The following ALPK2 variants were observed in gnomAD, a reference collection of about 807,000 sequenced individuals.
ALPK2 encodes alpha kinase 2.
Under a neutral mutation model 163.1 loss-of-function variants are expected in ALPK2, and 127 were observed. The ratio of observed to expected loss-of-function variants is 0.78; its 90% CI spans 0.67 to 0.90. The LOEUF is 0.90. ALPK2 is among the 40% of genes least tolerant of loss of function. The probability of loss-of-function intolerance (pLI) is 0.00; values close to 1 mark genes in which losing one functional copy is unlikely to be tolerated. For missense variants in ALPK2, 2,360 were observed against 2,589.6 expected, an observed-to-expected ratio of 0.91 and a Z score of 1.92; for synonymous variants, 953 against 959.1, an observed-to-expected ratio of 0.99 and a Z score of 0.12.
intron 10 of ALPK2, among the ~76,000 whole-genome samples, chr18:58,506,445 A>G (rs762781720): frequency 3.9e-5 from 6 of 152,030 alleles, no homozygotes; most frequent in Non-Finnish European, 7.4e-5. Context: ...ACCATGGCAG[A>G]AACTGAAGAG....
At position 58,516,954 on chromosome 18, in the gene ALPK2, C is replaced by T; in HGVS notation, c.5894G>A (p.Arg1965Lys). 5.0e-6 allele frequency: 8 copies of T among 1,614,208 alleles called. No homozygotes were observed. Among genetic ancestry groups the T allele is most frequent in the Non-Finnish European group, 6.8e-6 (8 of 1,180,022 alleles). ...CCTTTGGATGAGCTCATCATTATTT[C>T]TGGTCCCATAGGCAATGGCATTGTG... ...KVHNAIAYGT[R>K]NNDELIQRNY... The change falls in exon 9 of 13, where the codon AGA becomes AAA. Residue 1965 changes from arginine to lysine, a missense_variant. Arg to Lys is a conservative substitution (Grantham distance 26). Transcript: ENST00000361673.
chr18:58,557,446 G>C (rs1011830384), intron 4 of ALPK2, among the ~76,000 whole-genome samples: 1 of 151,988 alleles, frequency 6.6e-6, no homozygotes, highest in Admixed American at 6.6e-5. Context: ...TGTCAATGTA[G>C]GTTTACCGAT....
In ALPK2 at chr18:58,536,609, A is replaced by G. The variant is rs777615885; in HGVS notation, c.3578T>C (p.Val1193Ala). 1 of 1,613,952 alleles carries G rather than the reference A, an allele frequency of 6.2e-7. No individual in the cohort carries two copies. The highest frequency in any genetic ancestry group is 1.1e-5 in the South Asian group (1 of 91,042). ...CCCAGCAGTTTCAGCCACCACGGAGACCCTCGTCCCCCAACCTGAGCGCTG... is the reference window on the plus strand; with the variant it reads ...CCCAGCAGTTTCAGCCACCACGGAGGCCCTCGTCCCCCAACCTGAGCGCTG... The part of the protein sequence containing the change: ...AGQRSGWGTR[V>A]SVVAETAGEE... Residue 1193 changes from valine to alanine, a missense_variant, in exon 5 of 13, where the codon GTC becomes GCC. Physicochemically the swap from Val to Ala is moderately conservative, Grantham distance 64 (BLOSUM62 0). Coordinates refer to ENST00000361673, the MANE Select transcript of ALPK2 (RefSeq NM_052947.4).
chr18:58,519,596 TAAC>T (rs2051539082), intron 8 of ALPK2, among the ~76,000 whole-genome samples: 1 of 152,182 alleles, frequency 6.6e-6, no homozygotes, highest in Non-Finnish European at 1.5e-5. Flanking sequence ...GTGGTATAAT[TAAC>T]AACCCTGTCT....
At chr18:58,571,149 G>A (rs1421119844) in intron 4 of ALPK2, among the ~76,000 whole-genome samples, 1 of 151,966 alleles carries the variant, frequency 6.6e-6, no homozygotes, top group African/African-American at 2.4e-5. Context: ...AGCCTCCCAA[G>A]TAGCTGGGAT....
intron 11 of ALPK2, among the ~76,000 whole-genome samples, chr18:58,499,550 C>G (rs1279760479): frequency 6.6e-6 from 1 of 152,214 alleles, no homozygotes; most frequent in Non-Finnish European, 1.5e-5. Flanking sequence ...CGCACCAATT[C>G]CATTCCTGTC....
At chr18:58,488,367 C>A (rs1270241162) in intron 12 of ALPK2, among the ~76,000 whole-genome samples, 1 of 149,792 alleles carries the variant, frequency 6.7e-6, no homozygotes, top group Non-Finnish European at 1.5e-5. Flanking sequence ...TCCTCTCATC[C>A]TAATAATGAA....
intron 10 of ALPK2, among the ~76,000 whole-genome samples, chr18:58,507,017 C>T (rs923503982): frequency 3.9e-5 from 6 of 152,296 alleles, no homozygotes; most frequent in African/African-American, 1.2e-4. Flanking sequence ...ACATTGACCA[C>T]GTAGATACCA....
At chr18:58,483,642 C>G (rs2051323128) in intron 12 of ALPK2, among the ~76,000 whole-genome samples, 1 of 151,838 alleles carries the variant, frequency 6.6e-6, no homozygotes, top group African/African-American at 2.4e-5. Flanking sequence ...CCTCCGCTTG[C>G]TGGGTTCAAG....
At chr18:58,593,563 C>CAAA (rs34460316) in intron 3 of ALPK2, among the ~76,000 whole-genome samples, 852 of 50,670 alleles carry the variant, frequency 0.017, 19 homozygotes, top group African/African-American at 0.063. Flanking sequence ...GACTCTGTCT[C>CAAA]AAAAAAAAAA....
intron 10 of ALPK2, among the ~76,000 whole-genome samples, chr18:58,512,973 A>ATGTGTGGTGTG (rs1228505224): frequency 5.9e-5 from 4 of 67,628 alleles, no homozygotes; most frequent in African/African-American, 2.3e-4. Context: ...TGGTGTGTGT[A>ATGTGTGGTGTG]TGTGTGGTGT....
intron 4 of ALPK2, among the ~76,000 whole-genome samples, chr18:58,576,081 T>C (rs1435406899): frequency 1.3e-5 from 2 of 152,156 alleles, no homozygotes; most frequent in African/African-American, 4.8e-5. Context: ...GACTCAAGAA[T>C]GGGCAAATTT....
At chr18:58,580,718 C>T (rs891856191) in intron 3 of ALPK2, 170 bp from the exon 4 acceptor site, 12 of 653,782 alleles carry the variant, frequency 1.8e-5, no homozygotes, top group South Asian at 7.8e-5. Context: ...CTCTGGGCTC[C>T]GGTGCCCCTA....
chr18:58,503,824 A>G, intron 11 of ALPK2, 107 bp downstream of exon 11: 1 of 999,380 alleles, frequency 1.0e-6, no homozygotes, highest in Non-Finnish European at 1.5e-6. Flanking sequence ...AGGTGTTTCA[A>G]GGTACCCAGC....
In ALPK2 at chr18:58,536,090, T is replaced by C; in HGVS notation, c.4097A>G (p.Lys1366Arg). 1 of 1,614,178 alleles carries C rather than the reference T, an allele frequency of 6.2e-7. No individual in the cohort carries two copies. The highest frequency in any genetic ancestry group is 8.5e-7 in the Non-Finnish European group (1 of 1,180,016). ...SLSAASETGG[K>R]ENVNNVSQDQ... Reference sequence around the variant, plus strand: ...TTGACTCACATTGTTAACATTTTCCTTCCCTCCAGTTTCAGAAGCCGCTGA... The same window carrying C: ...TTGACTCACATTGTTAACATTTTCCCTCCCTCCAGTTTCAGAAGCCGCTGA... Residue 1366 changes from lysine to arginine, a missense_variant, in exon 5 of 13, where the codon AAG becomes AGG. Lys to Arg is a conservative substitution (Grantham distance 26, BLOSUM62 2). Coordinates refer to ENST00000361673, the MANE Select transcript of ALPK2 (RefSeq NM_052947.4).
chr18:58,514,054 G>A (rs1186446294), intron 10 of ALPK2, among the ~76,000 whole-genome samples: 1 of 152,120 alleles, frequency 6.6e-6, no homozygotes, highest in Admixed American at 6.5e-5. Context: ...GAAGAGCGGG[G>A]CTTGGGGAAA....
At chr18:58,547,420 A>G (rs1252036742) in intron 4 of ALPK2, among the ~76,000 whole-genome samples, 3 of 152,182 alleles carry the variant, frequency 2.0e-5, no homozygotes, top group Non-Finnish European at 2.9e-5. Context: ...CACTCTCTGG[A>G]TTCCAAGTTC....
chr18:58,575,493 T>C (rs984197256), intron 4 of ALPK2, among the ~76,000 whole-genome samples: 1 of 152,206 alleles, frequency 6.6e-6, no homozygotes, highest in Admixed American at 6.5e-5. Context: ...CATGACCCCA[T>C]ACAGAAATGC....
chr18:58,627,902 C>T (rs1277934507), intron 1 of ALPK2, among the ~76,000 whole-genome samples: 1 of 152,160 alleles, frequency 6.6e-6, no homozygotes, highest in African/African-American at 2.4e-5. Context: ...CTGGAATGAC[C>T]ATTCCTGGTT....
Sources: allele counts gnomAD v4.1 joint callset (sites outside exome capture counted in the v4.1 genomes callset), GRCh38; gene constraint gnomAD v4.1.1; transcripts MANE v1.5; gene names NCBI Gene and HGNC (gene_info 2026-07-23, HGNC 2026-07-21).